The following HDAC9 variants were observed in gnomAD, a reference collection of about 807,000 sequenced individuals.
HDAC9 encodes MEF-2 interacting transcription repressor (MITR) protein.
HDAC9 carries 41 observed loss-of-function variants against 139.4 expected under a neutral mutation model. The observed-to-expected ratio is 0.29, with a 90% CI of 0.23 to 0.38. The LOEUF is 0.38. Among genes scored for constraint, HDAC9 ranks in the 10% least tolerant of loss-of-function variants. The probability of loss-of-function intolerance (pLI) is 1.00; values close to 1 mark genes in which losing one functional copy is unlikely to be tolerated. For missense variants in HDAC9, 1,147 were observed against 1,297.0 expected (o/e 0.88, Z 1.78); for synonymous variants, 517 against 476.2 (o/e 1.09, Z -1.12).
At chr7:18,390,365 AG>A (rs1179204084) in intron 1 of HDAC9, among the ~76,000 whole-genome samples, 1 of 152,162 alleles carries the variant, frequency 6.6e-6, no homozygotes, top group Non-Finnish European at 1.5e-5. Flanking sequence ...AGATCCCAGT[AG>A]GTCAGCAAGG....
chr7:18,398,355 A>G (rs1163468142), intron 1 of HDAC9, among the ~76,000 whole-genome samples: 1 of 152,186 alleles, frequency 6.6e-6, no homozygotes, highest in Non-Finnish European at 1.5e-5. Flanking sequence ...TGTAGAAAAG[A>G]AGGTATGCTT....
Position 18,666,364 on chromosome 7 carries a change from AC to A in HDAC9, c.1620del (p.Asp540GlufsTer9). The part of the protein sequence containing the change: ...TRSDSSACVD[D>X]TLGQVGAVKV... ...AGCGACAGCAGTGCTTGTGTGGATG[AC>A]ACACTGGGACAAGTTGGGGCTGTGA... is the stretch of plus-strand genomic sequence containing the variant. On this transcript the variant is annotated frameshift_variant, in exon 12 of 26. Transcript: ENST00000686413. LOFTEE classifies it high-confidence loss of function. The A allele has an allele frequency of 6.2e-7, 1 of 1,613,316 alleles. No individual in the cohort carries two copies. The highest frequency in any genetic ancestry group is 8.5e-7 in the Non-Finnish European group (1 of 1,179,590).
rs1438508700 is a variant in HDAC9 at position 18,998,079 on chromosome 7, T to TA, written c.*2024dup. ...CAGTGATTGCTTGAGGATATTTACT[T>TA]AAAAAAATAGTAGAGCCAAAGGCTT... On this transcript the variant is annotated 3_prime_UTR_variant, in exon 26 of 26. Transcript: ENST00000686413. 3 of 152,100 alleles carry TA rather than the reference T, an allele frequency of 2.0e-5. No homozygotes were observed. Among genetic ancestry groups the TA allele is most frequent in the Admixed American group, 6.6e-5 (1 of 15,258 alleles). 9.4% of individuals were successfully genotyped at this position (152,100 alleles called of 1,614,324 possible).
chr7:18,369,272 T>C (rs1232692871), intron 1 of HDAC9, among the ~76,000 whole-genome samples: 1 of 152,108 alleles, frequency 6.6e-6, no homozygotes, highest in East Asian at 1.9e-4. Context: ...CGTATGGAAA[T>C]AATTGTTTTA....
intron 22 of HDAC9, among the ~76,000 whole-genome samples, chr7:18,895,476 G>C (rs188922548): frequency 3.4e-4 from 51 of 152,184 alleles, no homozygotes; most frequent in Middle Eastern, 3.4e-3. Flanking sequence ...GGAATTGATA[G>C]TATGAAAGAG....
At chr7:18,118,430 A>G (rs1453790035) in intron 1 of HDAC9, among the ~76,000 whole-genome samples, 2 of 152,206 alleles carry the variant, frequency 1.3e-5, no homozygotes, top group African/African-American at 2.4e-5. Flanking sequence ...TTCTTCATGT[A>G]TAGAACATAG....
chr7:18,451,401 G>GTGTGTATATATGTGTGTGTGTGTGTGTA (rs760861605), intron 1 of HDAC9, among the ~76,000 whole-genome samples: 2 of 135,210 alleles, frequency 1.5e-5, no homozygotes, highest in African/African-American at 2.9e-5. Context: ...GTGTGTGTGT[G>GTGTGTATATATGTGTGTGTGTGTGTGTA]TATATATGTG....
chr7:18,428,531 AATC>A (rs1790334994), intron 1 of HDAC9, among the ~76,000 whole-genome samples: 1 of 152,202 alleles, frequency 6.6e-6, no homozygotes, highest in Non-Finnish European at 1.5e-5. Flanking sequence ...CTATGTCACT[AATC>A]ATCAGGGGAA....
intron 13 of HDAC9, 113 bp downstream of exon 13, chr7:18,727,870 C>A: frequency 1.3e-6 from 1 of 763,484 alleles, no homozygotes; most frequent in Non-Finnish European, 1.9e-6. Flanking sequence ...CCATTTTAAC[C>A]CAGTGCAACC....
intron 1 of HDAC9, among the ~76,000 whole-genome samples, chr7:18,352,785 C>T (rs1334133168): frequency 6.6e-6 from 1 of 151,968 alleles, no homozygotes; most frequent in East Asian, 1.9e-4. Context: ...CCCCTTTTCC[C>T]CACTTTGGTT....
chr7:18,941,502 G>T (rs1782026612), intron 23 of HDAC9, among the ~76,000 whole-genome samples: 1 of 152,060 alleles, frequency 6.6e-6, no homozygotes, highest in Non-Finnish European at 1.5e-5. Flanking sequence ...TGTTTTCATT[G>T]GATTCCGAAT....
chr7:18,549,945 C>CT lies in HDAC9; in HGVS notation c.23-35326dup, dbSNP rs925481214. 6.7e-4 allele frequency among the ~76,000 whole-genome samples: 97 copies of CT among 144,044 alleles called. 1 individual carries two copies. Among genetic ancestry groups the CT allele is most frequent in the East Asian group, 1.8e-3 (9 of 4,944 alleles). The allele number at this position is 144,044 out of a possible 152,430, so 94.5% of individuals were successfully genotyped here. A position where few individuals can be genotyped will look rare whatever the true frequency, so the allele number is the denominator to read the frequency against. On this transcript the variant is annotated intron_variant, in intron 2 of 25. Transcript: ENST00000686413. ...CTCTTTCTCTCCCTTCTCCCTAGTT[C>CT]TTTTTTTTTTGTAGGATACTGAGAT...
chr7:18,959,521 C>T (rs1783384461), intron 24 of HDAC9, among the ~76,000 whole-genome samples: 1 of 152,146 alleles, frequency 6.6e-6, no homozygotes, highest in Non-Finnish European at 1.5e-5. Flanking sequence ...TGCAACCCTG[C>T]AGTGGTTTGC....
chr7:18,117,722 T>C (rs932355515), intron 1 of HDAC9, among the ~76,000 whole-genome samples: 1 of 152,168 alleles, frequency 6.6e-6, no homozygotes, highest in African/African-American at 2.4e-5. Context: ...GTGGACCTGC[T>C]GACACCTTGA....
intron 2 of HDAC9, among the ~76,000 whole-genome samples, chr7:18,201,482 G>A (rs1791122713): frequency 6.6e-6 from 1 of 152,194 alleles, no homozygotes; most frequent in Non-Finnish European, 1.5e-5. Flanking sequence ...ACTGAGCTTA[G>A]CCACTCAGTC....
At chr7:18,363,056 G>A (rs1051802123) in intron 1 of HDAC9, among the ~76,000 whole-genome samples, 1 of 151,962 alleles carries the variant, frequency 6.6e-6, no homozygotes, top group African/African-American at 2.4e-5. Context: ...TTTGTATTTT[G>A]GATTGATTAA....
At chr7:18,238,399 C>T (rs752836581) in intron 2 of HDAC9, among the ~76,000 whole-genome samples, 15 of 152,088 alleles carry the variant, frequency 9.9e-5, no homozygotes, top group Non-Finnish European at 1.6e-4. Context: ...GTTCTTTGAC[C>T]GATGAACTTT....
intron 1 of HDAC9, among the ~76,000 whole-genome samples, chr7:18,148,965 A>G (rs1786549936): frequency 1.3e-5 from 2 of 152,224 alleles, no homozygotes; most frequent in South Asian, 4.1e-4. Flanking sequence ...GTACCTACAC[A>G]GATCATAGGG....
At chr7:18,112,773 A>G (rs1783710846) in intron 1 of HDAC9, among the ~76,000 whole-genome samples, 1 of 152,196 alleles carries the variant, frequency 6.6e-6, no homozygotes, top group African/African-American at 2.4e-5. Context: ...AGTTGTTAAC[A>G]TTTATCAGCA....
Sources: allele counts gnomAD v4.1 joint callset (sites outside exome capture counted in the v4.1 genomes callset), GRCh38; gene constraint gnomAD v4.1.1; transcripts MANE v1.5; gene names NCBI Gene and HGNC (gene_info 2026-07-23, HGNC 2026-07-21).